Variants in MBTPS1 observed in about 807,000 individuals in gnomAD.
MBTPS1 encodes the protein membrane-bound transcription factor site-1 protease.
Under a neutral mutation model 127.8 loss-of-function variants are expected in MBTPS1, and 94 were observed. That is an observed-to-expected ratio of 0.74 (90% CI 0.62 to 0.87). The LOEUF (loss-of-function observed/expected upper bound fraction) is 0.87. Among genes scored for constraint, MBTPS1 ranks in the 40% least tolerant of loss-of-function variants. The pLI is 0.00. For missense variants in MBTPS1, 1,636 were observed against 1,353.2 expected (o/e 1.21, Z -3.28); for synonymous variants, 632 against 509.4 (o/e 1.24, Z -3.24).
At chr16:84,082,940 C>A (rs2085962046) in intron 10 of MBTPS1, among the ~76,000 whole-genome samples, 1 of 152,206 alleles carries the variant, frequency 6.6e-6, no homozygotes, top group Non-Finnish European at 1.5e-5. Context: ...GACTGTCACA[C>A]ACAGAGATCA....
intron 2 of MBTPS1, among the ~76,000 whole-genome samples, chr16:84,101,363 C>A (rs1567502114): frequency 6.6e-6 from 1 of 151,312 alleles, no homozygotes. Flanking sequence ...CGGTGGCAGT[C>A]ACCTATAATC....
chr16:84,090,086 C>T (rs911374051), intron 8 of MBTPS1, among the ~76,000 whole-genome samples: 4 of 152,202 alleles, frequency 2.6e-5, no homozygotes, highest in South Asian at 2.1e-4. Flanking sequence ...CCAATATTCA[C>T]GTTTTCTGAT....
chr16:84,105,641 C>G (rs1484752092), intron 1 of MBTPS1, among the ~76,000 whole-genome samples: 2 of 152,000 alleles, frequency 1.3e-5, no homozygotes, highest in African/African-American at 4.8e-5. Context: ...AGGAGGGAGG[C>G]AAGGAGGTGT....
intron 11 of MBTPS1, among the ~76,000 whole-genome samples, chr16:84,078,817 G>A (rs1044199918): frequency 1.1e-4 from 16 of 152,192 alleles, no homozygotes; most frequent in Admixed American, 5.9e-4. Context: ...TTCTATGTAT[G>A]TGCTCATTTG....
intron 11 of MBTPS1, 120 bp from the exon 12 acceptor site, chr16:84,074,861 C>T (rs886860466): frequency 1.2e-6 from 1 of 857,766 alleles, no homozygotes; most frequent in African/African-American, 1.7e-5. Context: ...GCTTACAGCG[C>T]TGCCCTAGGC....
chr16:84,082,678 A>T (rs1212824024), intron 10 of MBTPS1, among the ~76,000 whole-genome samples: 1 of 152,204 alleles, frequency 6.6e-6, no homozygotes, highest in Non-Finnish European at 1.5e-5. Flanking sequence ...AAGTTCCTAA[A>T]TATTCGTATG....
chr16:84,060,498 CTAAGGATGGCCTCTCGGCAGG>C, intron 20 of MBTPS1, 163 bp downstream of exon 20: 1 of 608,976 alleles, frequency 1.6e-6, no homozygotes, highest in Admixed American at 3.0e-5. Context: ...CCTCTGGGGA[CTAAGGATGGCCTCTCGGCAGG>C]TTAGAGCCGC....
At chr16:84,085,583 A>ACCCCCCCCC (rs1321256999) in intron 9 of MBTPS1, among the ~76,000 whole-genome samples, 1 of 82,544 alleles carries the variant, frequency 1.2e-5, no homozygotes, top group Non-Finnish European at 2.4e-5. Flanking sequence ...CCCCCCCCCA[A>ACCCCCCCCC]AAAAAAAGAG....
intron 18 of MBTPS1, 138 bp from the exon 19 acceptor site, chr16:84,063,583 AAT>A: frequency 1.2e-6 from 1 of 805,268 alleles, no homozygotes; most frequent in Admixed American, 2.8e-5. Context: ...AAATTTTTAG[AAT>A]AGAAAAGCCT....
In MBTPS1 at chr16:84,056,015, G is replaced by A; in HGVS notation, c.2952C>T (p.Asp984=). The change falls in exon 22 of 23, where the codon GAC becomes GAT. Residue 984 remains aspartate (D), a synonymous_variant. Transcript: ENST00000343411. ...CAGCCGAGAACTCACCTCCAGGAATGTCCCAGGCGCCGCTCTCTCCAGGGG... is the reference window on the plus strand; with the variant it reads ...CAGCCGAGAACTCACCTCCAGGAATATCCCAGGCGCCGCTCTCTCCAGGGG... ...PLSPGESGAW[D]IPGGIMPGRY... 1.9e-6 allele frequency: 3 copies of A among 1,612,464 alleles called. No homozygotes were observed. The highest frequency in any genetic ancestry group is 2.5e-6 in the Non-Finnish European group (3 of 1,179,226).
intron 11 of MBTPS1, among the ~76,000 whole-genome samples, chr16:84,081,320 A>G (rs1199412843): frequency 6.6e-6 from 1 of 152,248 alleles, no homozygotes; most frequent in African/African-American, 2.4e-5. Context: ...TGTGGTCTGC[A>G]GGTGAATTAC....
intron 14 of MBTPS1, among the ~76,000 whole-genome samples, 154 bp from the exon 15 acceptor site, chr16:84,068,608 G>C (rs1040674532): frequency 8.5e-5 from 13 of 152,254 alleles, no homozygotes; most frequent in African/African-American, 3.1e-4. Context: ...CAGCTTAGGA[G>C]ACCTGTGTGC....
At chr16:84,063,941 G>C (rs2085647680) in intron 18 of MBTPS1, among the ~76,000 whole-genome samples, 1 of 152,256 alleles carries the variant, frequency 6.6e-6, no homozygotes, top group South Asian at 2.1e-4. Context: ...ATTTTTAAAA[G>C]TATGTCCACA....
chr16:84,054,325 A>T lies in MBTPS1; in HGVS notation c.*124T>A, dbSNP rs563396326. 2.4e-6 allele frequency: 2 copies of T among 824,926 alleles called. No homozygotes were observed. Among genetic ancestry groups the T allele is most frequent in the Non-Finnish European group, 3.6e-6 (2 of 549,272 alleles). 51.1% of individuals were successfully genotyped at this position (824,926 alleles called of 1,614,324 possible). On this transcript the variant is annotated 3_prime_UTR_variant, in exon 23 of 23. Coordinates refer to ENST00000343411, the MANE Select transcript of MBTPS1 (RefSeq NM_003791.4). The stretch of plus-strand genomic sequence containing the variant: ...AGGAGGGCAGGCCCATGTAGAACAG[A>T]CTCTAACAAACCTGCAGCTGGAAAC...
At chr16:84,078,089 C>T (rs1447824964) in intron 11 of MBTPS1, among the ~76,000 whole-genome samples, 1 of 145,872 alleles carries the variant, frequency 6.9e-6, no homozygotes, top group African/African-American at 2.5e-5. Flanking sequence ...TTGGGGAAAC[C>T]GGCACTCACG....
rs932131395 is a variant in MBTPS1 at position 84,116,812 on chromosome 16, C to G, written c.-402G>C. On this transcript the variant is annotated 5_prime_UTR_variant, in exon 1 of 23. Coordinates refer to ENST00000343411, the MANE Select transcript of MBTPS1 (RefSeq NM_003791.4). ...GGCGAACACGCCTGGGCACTCCATT[C>G]GGGGCTGTTTACTCCCAACTCTCGC... 6.6e-6 allele frequency: 1 copy of G among 152,186 alleles called. No homozygotes were observed. Among genetic ancestry groups the G allele is most frequent in the African/African-American group, 2.4e-5 (1 of 41,448 alleles). The allele number at this position is 152,186 out of a possible 1,614,324, so 9.4% of individuals were successfully genotyped here. A position where few individuals can be genotyped will look rare whatever the true frequency, so the allele number is the denominator to read the frequency against.
chr16:84,083,402 G>C (rs2085970429), intron 10 of MBTPS1, among the ~76,000 whole-genome samples: 1 of 152,146 alleles, frequency 6.6e-6, no homozygotes, highest in Non-Finnish European at 1.5e-5. Context: ...TCAAGAATTT[G>C]GCTGCAAACT....
At position 84,085,257 on chromosome 16, in the gene MBTPS1, G is replaced by C; in HGVS notation, c.1135-123C>G. ...TTAAAAACTGTATAACCTTAGGAAG[G>C]TACTGGTTTTAGTCTGAAATTCACT... On this transcript the variant is annotated intron_variant, in intron 9 of 22. Transcript: ENST00000343411. 7 of 994,140 alleles carry C rather than the reference G, an allele frequency of 7.0e-6. No individual in the cohort carries two copies. The South Asian group carries it at 1.1e-4, about 16-fold the overall frequency. The allele number at this position is 994,140 out of a possible 1,614,324, so 61.6% of individuals were successfully genotyped here.
chr16:84,076,725 A>T (rs1184300199), intron 11 of MBTPS1, among the ~76,000 whole-genome samples: 1 of 152,220 alleles, frequency 6.6e-6, no homozygotes, highest in Non-Finnish European at 1.5e-5. Flanking sequence ...AACCTATATG[A>T]AGACAACTGT....
Sources: allele counts gnomAD v4.1 joint callset (sites outside exome capture counted in the v4.1 genomes callset), GRCh38; gene constraint gnomAD v4.1.1; transcripts MANE v1.5; gene names NCBI Gene and HGNC (gene_info 2026-07-23, HGNC 2026-07-21).